PAK4: variants seen among roughly 807,000 people sequenced by gnomAD.
PAK4 encodes serine/threonine-protein kinase PAK 4.
Under a neutral mutation model 53.5 loss-of-function variants are expected in PAK4, and 49 were observed. That is an observed-to-expected ratio of 0.92 (90% CI 0.73 to 1.16). The LOEUF (loss-of-function observed/expected upper bound fraction) is 1.16. Among genes scored for constraint, PAK4 ranks in the 50% most tolerant of loss-of-function variants. PAK4 has a pLI of 0.00. For synonymous variants in PAK4, 376 were observed against 375.6 expected, an observed-to-expected ratio of 1.00 and a Z score of -0.01; for missense variants, 824 against 850.7, an observed-to-expected ratio of 0.97 and a Z score of 0.39.
At chr19:39,141,303 C>T (rs534992239) in intron 1 of PAK4, among the ~76,000 whole-genome samples, 5 of 151,050 alleles carry the variant, frequency 3.3e-5, no homozygotes, top group Admixed American at 6.6e-5. Context: ...TCATGCTTCC[C>T]CAGTTGTCTT....
intron 1 of PAK4, among the ~76,000 whole-genome samples, chr19:39,166,738 C>T (rs1365580797): frequency 6.6e-6 from 1 of 152,222 alleles, no homozygotes. Context: ...GCCTTTCTGC[C>T]TAGCTCTTCT....
intron 1 of PAK4, among the ~76,000 whole-genome samples, chr19:39,131,850 C>T (rs1485615841): frequency 6.6e-6 from 1 of 152,214 alleles, no homozygotes; most frequent in African/African-American, 2.4e-5. Context: ...AGACAAAGAA[C>T]TTCCCTGGGC....
Position 39,175,168 on chromosome 19 carries a change from G to A in PAK4, c.1232+104G>A. ...AACCAGCTGTGCTCCGGGCCCCTGG[G>A]ATGGGGTCGTGTCTTCCATTCCTCC... is the stretch of plus-strand genomic sequence containing the variant. On this transcript the variant is annotated intron_variant, in intron 5 of 8. Transcript: ENST00000358301. The surrounding 1 kb of genome is among the most constrained non-coding windows in gnomAD (Gnocchi z 4.7). The A allele has an allele frequency of 1.3e-6, 2 of 1,502,364 alleles. No homozygotes were observed. The highest frequency in any genetic ancestry group is 1.8e-6 in the Non-Finnish European group (2 of 1,105,000). The allele number at this position is 1,502,364 out of a possible 1,614,324, so 93.1% of individuals were successfully genotyped here. A position where few individuals can be genotyped will look rare whatever the true frequency, so the allele number is the denominator to read the frequency against.
At chr19:39,130,625 C>A (rs118116274) in intron 1 of PAK4, among the ~76,000 whole-genome samples, 5,157 of 151,880 alleles carry the variant, frequency 0.034, 115 homozygotes, top group Non-Finnish European at 0.049. Context: ...GGTAGCCTTG[C>A]TCTGCAAAGA....
chr19:39,177,156 C>T (rs567433497), intron 7 of PAK4, among the ~76,000 whole-genome samples: 12 of 152,308 alleles, frequency 7.9e-5, no homozygotes, highest in African/African-American at 9.6e-5. Context: ...TGTGAGCCAC[C>T]GCGCCCAGCC....
At chr19:39,152,509 T>C (rs2074109502) in intron 1 of PAK4, 1 of 152,138 alleles carries the variant, frequency 6.6e-6, no homozygotes, top group African/African-American at 2.4e-5. Flanking sequence ...GGGGAAAGTA[T>C]TGAACCTAAT....
intron 1 of PAK4, among the ~76,000 whole-genome samples, chr19:39,150,948 C>T (rs2074084493): frequency 6.6e-6 from 1 of 152,092 alleles, no homozygotes; most frequent in East Asian, 1.9e-4. Flanking sequence ...CCACACTGCA[C>T]TTCTGCCCCC....
chr19:39,153,209 AC>A (rs1181840482), intron 1 of PAK4, among the ~76,000 whole-genome samples: 1 of 151,688 alleles, frequency 6.6e-6, no homozygotes, highest in Non-Finnish European at 1.5e-5. Flanking sequence ...GCCTCCCCCA[AC>A]CCCCAAAAGC....
intron 1 of PAK4, among the ~76,000 whole-genome samples, chr19:39,165,552 AAAAT>A (rs1190888438): frequency 7.0e-6 from 1 of 142,120 alleles, no homozygotes; most frequent in African/African-American, 2.6e-5. Flanking sequence ...ATAAATAAAT[AAAAT>A]AATAATAGAC....
intron 2 of PAK4, 77 bp from the exon 4 acceptor site, chr19:39,172,841 G>A: frequency 4.9e-6 from 6 of 1,218,998 alleles, no homozygotes; most frequent in South Asian, 1.5e-5. Context: ...GTGCTGTCCT[G>A]TCCCTGCGTG....
chr19:39,174,532 C>T (rs1182737960), intron 4 of PAK4, among the ~76,000 whole-genome samples: 1 of 152,042 alleles, frequency 6.6e-6, no homozygotes, highest in Non-Finnish European at 1.5e-5. Context: ...AGGCCCCTCT[C>T]GACCCCGTTG....
At position 39,137,045 on chromosome 19, in the gene PAK4, C is replaced by A. The variant is rs562075162; in HGVS notation, c.-23+11126C>A. 4.6e-4 allele frequency among the ~76,000 whole-genome samples: 70 copies of A among 152,304 alleles called. 1 individual carries two copies. Among genetic ancestry groups the A allele is most frequent in the African/African-American group, 1.6e-3 (65 of 41,556 alleles). On this transcript the variant is annotated intron_variant, in intron 1 of 8. Transcript: ENST00000358301. Reference sequence around the variant, plus strand: ...GACAGCTGCTTGGGCCTCTCTCTGCCTCAGTGTCTTCCTCTCTAGAAGGTG... The same window carrying A: ...GACAGCTGCTTGGGCCTCTCTCTGCATCAGTGTCTTCCTCTCTAGAAGGTG...
intron 1 of PAK4, among the ~76,000 whole-genome samples, chr19:39,164,301 A>G: frequency 6.7e-6 from 1 of 149,556 alleles, no homozygotes; most frequent in Non-Finnish European, 1.5e-5. Context: ...AAAAAAAAGA[A>G]TTATACACAC....
At chr19:39,180,170 C>CCAAGAATCAG (rs1323966468), downstream of PAK4, 1 of 152,310 alleles carries the variant, frequency 6.6e-6, no homozygotes, top group Non-Finnish European at 1.5e-5. Flanking sequence ...GGTCCTGACC[C>CCAAGAATCAG]CAAGAATCAG....
intron 1 of PAK4, among the ~76,000 whole-genome samples, chr19:39,127,961 T>C (rs1284645958): frequency 2.6e-5 from 4 of 152,108 alleles, no homozygotes; most frequent in Non-Finnish European, 4.4e-5. Context: ...CTGTGCAGGT[T>C]CAGGGCAAGA....
chr19:39,174,492 G>C (rs374232496), intron 4 of PAK4, among the ~76,000 whole-genome samples: 4 of 151,784 alleles, frequency 2.6e-5, no homozygotes, highest in Admixed American at 6.6e-5. Context: ...CCTGACGATA[G>C]GAAGCCCAGG....
intron 1 of PAK4, among the ~76,000 whole-genome samples, chr19:39,166,598 G>C (rs2074380531): frequency 6.6e-6 from 1 of 152,248 alleles, no homozygotes; most frequent in African/African-American, 2.4e-5. Context: ...GACACAGAAA[G>C]TGAGGTCATA....
At chr19:39,170,815 C>T (rs561832645) in intron 2 of PAK4, among the ~76,000 whole-genome samples, 1 of 152,352 alleles carries the variant, frequency 6.6e-6, no homozygotes, top group East Asian at 1.9e-4. Flanking sequence ...GACTTCTTTG[C>T]CTCCACTGAG....
intron 1 of PAK4, among the ~76,000 whole-genome samples, chr19:39,127,571 G>A (rs1166110473): frequency 6.6e-6 from 1 of 152,192 alleles, no homozygotes; most frequent in African/African-American, 2.4e-5. Flanking sequence ...TGCAGAGGAT[G>A]TGACATTGCT....
Sources: allele counts gnomAD v4.1 joint callset (sites outside exome capture counted in the v4.1 genomes callset), GRCh38; gene constraint gnomAD v4.1.1; non-coding constraint Gnocchi (gnomAD v3.1); transcripts MANE v1.5; gene names NCBI Gene and HGNC (gene_info 2026-07-23, HGNC 2026-07-21).